Variants in CACNA1I observed in about 807,000 individuals in gnomAD.
The protein encoded by CACNA1I is voltage-dependent T-type calcium channel subunit alpha-1I.
Under a neutral mutation model 201.6 loss-of-function variants are expected in CACNA1I, and 74 were observed. The ratio of observed to expected loss-of-function variants is 0.37; its 90% CI spans 0.30 to 0.45. The LOEUF (loss-of-function observed/expected upper bound fraction) is 0.45. Among genes scored for constraint, CACNA1I ranks in the 20% least tolerant of loss-of-function variants. The pLI, the probability that CACNA1I is intolerant of heterozygous loss-of-function variation, is 1.00. For synonymous variants in CACNA1I, 1,431 were observed against 1,345.2 expected, an observed-to-expected ratio of 1.06 and a Z score of -1.40; for missense variants, 2,346 against 3,138.1, an observed-to-expected ratio of 0.75 and a Z score of 6.03.
intron 4 of CACNA1I, among the ~76,000 whole-genome samples, chr22:39,627,637 G>T (rs1933937877): frequency 6.6e-6 from 1 of 152,244 alleles, no homozygotes; most frequent in African/African-American, 2.4e-5. Flanking sequence ...TTGTTGGACA[G>T]TTCTGAGAGA....
chr22:39,604,975 C>T (rs1041090226), intron 3 of CACNA1I, among the ~76,000 whole-genome samples: 1 of 152,090 alleles, frequency 6.6e-6, no homozygotes, highest in African/African-American at 2.4e-5. Context: ...AGGTCGTTCC[C>T]ATCCTTTGTG....
intron 18 of CACNA1I, among the ~76,000 whole-genome samples, chr22:39,663,377 C>T (rs1324762166): frequency 6.6e-6 from 1 of 152,126 alleles, no homozygotes; most frequent in Non-Finnish European, 1.5e-5. Context: ...AGAGGAGGAG[C>T]CTGGTGCAGG....
Position 39,599,580 on chromosome 22 carries a change from C to T in CACNA1I, c.349-940C>T, listed in dbSNP as rs1932977762. 2.8e-5 allele frequency among the ~76,000 whole-genome samples: 4 copies of T among 142,212 alleles called. 1 individual carries two copies. The South Asian group carries it at 7.0e-4, about 25-fold the overall frequency. 93.3% of individuals were successfully genotyped at this position (142,212 alleles called of 152,430 possible). A position where few individuals can be genotyped will look rare whatever the true frequency, so the allele number is the denominator to read the frequency against. ...CTTGCAGTGAGCCGAGATCCCGCCA[C>T]TGCACTCCAGCCTGGGCGACAGAGC... On this transcript the variant is annotated intron_variant, in intron 2 of 36. Coordinates refer to ENST00000402142, the MANE Select transcript of CACNA1I (RefSeq NM_021096.4).
chr22:39,650,682 C>T (rs370878667), intron 10 of CACNA1I, among the ~76,000 whole-genome samples: 1 of 152,278 alleles, frequency 6.6e-6, no homozygotes, highest in Non-Finnish European at 1.5e-5. Flanking sequence ...AGCCCCATGG[C>T]GCTGAGGGCG....
At chr22:39,663,634 C>T in intron 18 of CACNA1I, 84 bp from the exon 19 acceptor site, 1 of 1,548,852 alleles carries the variant, frequency 6.5e-7, no homozygotes, top group Non-Finnish European at 8.8e-7. Context: ...GCGTGGTCTG[C>T]ACTGCTGCCT....
chr22:39,657,040 G>A (rs12158982), intron 10 of CACNA1I, among the ~76,000 whole-genome samples: 13,450 of 152,042 alleles, frequency 0.088, 1,186 homozygotes, highest in African/African-American at 0.23. Flanking sequence ...ACTCGACCCC[G>A]TGGTTTTATG....
intron 1 of CACNA1I, among the ~76,000 whole-genome samples, chr22:39,586,760 C>A (rs1332755800): frequency 2.0e-5 from 3 of 152,128 alleles, no homozygotes; most frequent in Non-Finnish European, 4.4e-5. Context: ...CGGCAGAGGA[C>A]AGGTCCCCAG....
intron 3 of CACNA1I, among the ~76,000 whole-genome samples, chr22:39,613,310 C>A (rs1933434296): frequency 6.6e-6 from 1 of 152,152 alleles, no homozygotes. Flanking sequence ...CTGAGCCAAC[C>A]CCTGCTCTGA....
intron 10 of CACNA1I, among the ~76,000 whole-genome samples, chr22:39,654,785 G>A (rs5995763): frequency 0.011 from 1,731 of 152,238 alleles, 32 homozygotes; most frequent in African/African-American, 0.039. Flanking sequence ...GGGACCAGGA[G>A]CATAGGTATC....
At chr22:39,626,591 G>C (rs979727705) in intron 4 of CACNA1I, among the ~76,000 whole-genome samples, 1 of 152,128 alleles carries the variant, frequency 6.6e-6, no homozygotes. Context: ...ATAATCATAA[G>C]TGGCTAAAGT....
intron 3 of CACNA1I, among the ~76,000 whole-genome samples, chr22:39,608,625 G>A (rs980950266): frequency 4.0e-5 from 6 of 150,824 alleles, no homozygotes; most frequent in African/African-American, 1.5e-4. Context: ...GATCGCTTGA[G>A]CTCAGAAGGT....
At chr22:39,584,314 G>A (rs1158230287) in intron 1 of CACNA1I, among the ~76,000 whole-genome samples, 1 of 152,162 alleles carries the variant, frequency 6.6e-6, no homozygotes, top group Non-Finnish European at 1.5e-5. Context: ...GACTGGTGAT[G>A]GGGGTGCATC....
chr22:39,610,608 G>A (rs1376162431), intron 3 of CACNA1I, among the ~76,000 whole-genome samples: 1 of 152,134 alleles, frequency 6.6e-6, no homozygotes, highest in Non-Finnish European at 1.5e-5. Flanking sequence ...TCTGTTACGT[G>A]GGACAGAAAC....
chr22:39,662,555 G>C, intron 17 of CACNA1I, 120 bp downstream of exon 17: 1 of 776,952 alleles, frequency 1.3e-6, no homozygotes, highest in East Asian at 2.9e-5. Context: ...GGGCGTGGCC[G>C]GAGCGGCTAG....
In CACNA1I at chr22:39,662,012, C is replaced by T; in HGVS notation, c.2949C>T (p.Ala983=). 6.4e-7 allele frequency: 1 copy of T among 1,565,586 alleles called. No individual in the cohort carries two copies. Among genetic ancestry groups the T allele is most frequent in the South Asian group, 1.2e-5 (1 of 85,730 alleles). ...SYYGPWGRSA[A]WASRRSSWNS... Reference sequence around the variant, plus strand: ...ACGGGCCATGGGGCCGCAGCGCGGCCTGGGCCAGCCGTCGCTCCAGCTGGA... The same window carrying T: ...ACGGGCCATGGGGCCGCAGCGCGGCTTGGGCCAGCCGTCGCTCCAGCTGGA... Residue 983 remains alanine (A), a synonymous_variant, in exon 17 of 37, where the codon GCC becomes GCT. Transcript: ENST00000402142.
chr22:39,609,133 A>C (rs1933309175), intron 3 of CACNA1I, among the ~76,000 whole-genome samples: 1 of 152,188 alleles, frequency 6.6e-6, no homozygotes, highest in South Asian at 2.1e-4. Flanking sequence ...GAGTGCTCAC[A>C]CCGTGCATCA....
rs192619028 is a variant in CACNA1I at position 39,668,579 on chromosome 22, G to A, written c.4194+198G>A. 3.5e-4 allele frequency among the ~76,000 whole-genome samples: 54 copies of A among 152,242 alleles called. No individual in the cohort carries two copies. In the East Asian group the frequency reaches 8.1e-3, roughly 23 times the overall value. Reference sequence around the variant, plus strand: ...CCCTCCTCGGGTAGCGTAAGTCGTCGTTCCATTTGCTTTGGCAAACCCCCC... The same window carrying A: ...CCCTCCTCGGGTAGCGTAAGTCGTCATTCCATTTGCTTTGGCAAACCCCCC... On this transcript the variant is annotated intron_variant, in intron 24 of 36. Transcript: ENST00000402142.
chr22:39,681,140 A>G (rs556487293), intron 34 of CACNA1I, 88 bp downstream of exon 34: 1 of 1,448,388 alleles, frequency 6.9e-7, no homozygotes, highest in East Asian at 2.4e-5. Context: ...CTGTCTTTCC[A>G]GTCTACCATG....
rs745982415 is a variant in CACNA1I at position 39,647,812 on chromosome 22, C to T, written c.1463-10C>T. ...AGGGAGAAGATAGTAATATTATCTC[C>T]ACTTTTCAGATGGGAAGACTAAGGG... On this transcript the variant is annotated splice_polypyrimidine_tract_variant and intron_variant, in intron 8 of 36. Transcript: ENST00000402142. 6.4e-7 allele frequency: 1 copy of T among 1,551,662 alleles called. No homozygotes were observed. Among genetic ancestry groups the T allele is most frequent in the South Asian group, 1.1e-5 (1 of 89,918 alleles).
Sources: allele counts gnomAD v4.1 joint callset (sites outside exome capture counted in the v4.1 genomes callset), GRCh38; gene constraint gnomAD v4.1.1; transcripts MANE v1.5; gene names NCBI Gene and HGNC (gene_info 2026-07-23, HGNC 2026-07-21).